The following STS variants were observed in gnomAD, a reference collection of about 807,000 sequenced individuals.
The protein encoded by STS is steroid sulfatase, also known as steryl-sulfatase.
In STS, 7 loss-of-function variants were observed where a neutral mutation model predicts 26.8. That is an observed-to-expected ratio of 0.26 (90% CI 0.15 to 0.49). The LOEUF (loss-of-function observed/expected upper bound fraction) is 0.49, where lower values mean the gene tolerates loss of function less well. Ranked by LOEUF, STS falls within the 20% of genes least tolerant of loss-of-function variation. The probability of loss-of-function intolerance (pLI) is 0.98; values close to 1 mark genes in which losing one functional copy is unlikely to be tolerated. For missense variants in STS, 434 were observed against 465.6 expected (o/e 0.93, Z 0.63); for synonymous variants, 199 against 189.4 (o/e 1.05, Z -0.42).
chrX:7,276,155 T>C (rs1924526920), intron 7 of STS, 68 bp downstream of exon 7: 1 of 1,173,879 alleles, frequency 8.5e-7, no homozygotes, highest in Admixed American at 2.2e-5. Flanking sequence ...TTCTTTCCTG[T>C]GTATTTCTAT....
rs59811070 is a variant in STS at position 7,211,618 on chromosome X, C to G, written c.-5+20610C>G. 2.7e-5 allele frequency among the ~76,000 whole-genome samples: 3 copies of G among 112,216 alleles called. No individual in the cohort carries two copies. The Admixed American group carries it at 2.8e-4, about 11-fold the overall frequency. ...TGGCCTTGCCCCTTGTAGAAAGTTGCTCTGCAGGGAAACCACTCTCTTTGT... is the reference window on the plus strand; with the variant it reads ...TGGCCTTGCCCCTTGTAGAAAGTTGGTCTGCAGGGAAACCACTCTCTTTGT... On this transcript the variant is annotated intron_variant, in intron 2 of 10. Coordinates refer to ENST00000674429, the MANE Select transcript of STS (RefSeq NM_001320752.2).
intron 2 of STS, among the ~76,000 whole-genome samples, chrX:7,249,798 A>C (rs757892023): frequency 1.4e-4 from 16 of 111,714 alleles, no homozygotes; most frequent in Non-Finnish European, 2.8e-4. Flanking sequence ...ATTGGGATAC[A>C]TGATTTGCCT....
chrX:7,288,351 T>G (rs1191288739), intron 7 of STS, among the ~76,000 whole-genome samples: 1 of 110,141 alleles, frequency 9.1e-6, no homozygotes, highest in Non-Finnish European at 1.9e-5. Context: ...CAGAAGTGTT[T>G]CAGATTTGGA....
intron 7 of STS, among the ~76,000 whole-genome samples, chrX:7,277,073 T>C (rs763149854): frequency 1.8e-5 from 2 of 110,946 alleles, no homozygotes; most frequent in South Asian, 7.6e-4. Flanking sequence ...AGTGTGTGAG[T>C]TACGCAAAGG....
At chrX:7,290,340 C>T (rs1463419626) in intron 7 of STS, among the ~76,000 whole-genome samples, 4 of 111,340 alleles carry the variant, frequency 3.6e-5, no homozygotes, top group South Asian at 3.8e-4. Context: ...GTCACGCTGC[C>T]GCTGTCATCT....
intron 7 of STS, among the ~76,000 whole-genome samples, chrX:7,290,032 A>C (rs781126514): frequency 8.9e-6 from 1 of 112,124 alleles, no homozygotes; most frequent in Admixed American, 9.5e-5. Context: ...TGTTTCTGGA[A>C]TCTTATGAAA....
At chrX:7,297,674 G>T (rs757562980) in intron 7 of STS, among the ~76,000 whole-genome samples, 1 of 111,663 alleles carries the variant, frequency 9.0e-6, no homozygotes, top group South Asian at 3.7e-4. Context: ...CATTGGGTAC[G>T]TCCACCCATC....
chrX:7,285,590 T>C (rs908360268), intron 7 of STS, among the ~76,000 whole-genome samples: 1 of 111,863 alleles, frequency 8.9e-6, no homozygotes, highest in Non-Finnish European at 1.9e-5. Context: ...AAGCAAATGA[T>C]AGAAAGATAA....
chrX:7,280,273 A>T (rs774024275), intron 7 of STS, among the ~76,000 whole-genome samples: 1 of 111,480 alleles, frequency 9.0e-6, no homozygotes, highest in East Asian at 2.8e-4. Context: ...CTTTCAGGAG[A>T]TCCTATAACA....
intron 6 of STS, among the ~76,000 whole-genome samples, chrX:7,263,209 C>T (rs1327291770): frequency 9.0e-6 from 1 of 111,250 alleles, no homozygotes; most frequent in Non-Finnish European, 1.9e-5. Context: ...GCTGGGATTA[C>T]AGGTGTGTGC....
At chrX:7,323,272 G>A (rs1601744083) in intron 8 of STS, among the ~76,000 whole-genome samples, 2 of 109,663 alleles carry the variant, frequency 1.8e-5, no homozygotes, top group East Asian at 5.7e-4. Context: ...GTGCTGGTGT[G>A]TTACATGGGT....
At chrX:7,194,778 G>T (rs1192423677) in intron 2 of STS, among the ~76,000 whole-genome samples, 2 of 111,767 alleles carry the variant, frequency 1.8e-5, no homozygotes, top group Non-Finnish European at 3.8e-5. Context: ...GCTTTGTTAC[G>T]TGATACAGTC....
intron 6 of STS, among the ~76,000 whole-genome samples, chrX:7,268,937 C>T (rs1227459928): frequency 9.2e-6 from 1 of 108,737 alleles, no homozygotes; most frequent in Non-Finnish European, 1.9e-5. Flanking sequence ...TTACTTGATG[C>T]CAGGAGTTCA....
At chrX:7,201,460 A>AT (rs200227780) in intron 2 of STS, among the ~76,000 whole-genome samples, 1,362 of 109,154 alleles carry the variant, frequency 0.012, 72 homozygotes, top group Admixed American at 0.12. Context: ...TAACTTTTTA[A>AT]TTTTTTTTTG....
At chrX:7,172,776 G>A (rs746845387) in intron 1 of STS, among the ~76,000 whole-genome samples, 2 of 111,684 alleles carry the variant, frequency 1.8e-5, no homozygotes, top group African/African-American at 3.3e-5. Flanking sequence ...GGTCCAGACG[G>A]TGAATAATGA....
In STS at chrX:7,286,698, A is replaced by G. The variant is rs749944962; in HGVS notation, c.943+10611A>G. On this transcript the variant is annotated intron_variant, in intron 7 of 10. Transcript: ENST00000674429. ...CCCACTTATGCGTGATTCTCTTTCC[A>G]CGATTGCCAAACGTATTTAATAAAG... 1.1e-3 allele frequency among the ~76,000 whole-genome samples: 122 copies of G among 111,813 alleles called. 1 individual carries two copies. The highest frequency in any genetic ancestry group is 3.7e-3 in the African/African-American group (115 of 30,830).
intron 8 of STS, among the ~76,000 whole-genome samples, chrX:7,321,169 C>T (rs1195725297): frequency 1.8e-5 from 2 of 111,537 alleles, no homozygotes; most frequent in Admixed American, 9.6e-5. Flanking sequence ...AATTAATGCA[C>T]GAACCTAAAA....
At chrX:7,284,107 A>G (rs1925009993) in intron 7 of STS, among the ~76,000 whole-genome samples, 1 of 111,628 alleles carries the variant, frequency 9.0e-6, no homozygotes, top group African/African-American at 3.3e-5. Context: ...AGCCAGGCAG[A>G]GAGAGGGGAT....
intron 6 of STS, among the ~76,000 whole-genome samples, chrX:7,263,608 TG>T (rs775325490): frequency 7.1e-5 from 8 of 112,534 alleles, no homozygotes; most frequent in African/African-American, 2.6e-4. Flanking sequence ...AATTGCTTAA[TG>T]ATACATTTCT....
Sources: allele counts gnomAD v4.1 joint callset (sites outside exome capture counted in the v4.1 genomes callset), GRCh38; gene constraint gnomAD v4.1.1; transcripts MANE v1.5; gene names NCBI Gene and HGNC (gene_info 2026-07-23, HGNC 2026-07-21).